The following KIAA1328 variants were observed in gnomAD, a reference collection of about 807,000 sequenced individuals.
The protein encoded by KIAA1328 is protein hinderin.
Under a neutral mutation model 68.1 loss-of-function variants are expected in KIAA1328, and 52 were observed. The observed-to-expected ratio is 0.76, with a 90% CI of 0.61 to 0.96. KIAA1328 has a LOEUF of 0.96. Among genes scored for constraint, KIAA1328 ranks in the 40% least tolerant of loss-of-function variants. The pLI is 0.00. For synonymous variants in KIAA1328, 232 were observed against 239.4 expected, an observed-to-expected ratio of 0.97 and a Z score of 0.28; for missense variants, 641 against 677.6, an observed-to-expected ratio of 0.95 and a Z score of 0.60.
In KIAA1328 at chr18:37,003,404, G is replaced by A. The variant is rs75326473; in HGVS notation, c.576+43969G>A. Among the ~76,000 whole-genome samples the A allele has an allele frequency of 6.7e-3, 1,017 of 152,190 alleles. 15 individuals are homozygous for A. Among genetic ancestry groups the A allele is most frequent in the African/African-American group, 0.023 (942 of 41,542 alleles). On this transcript the variant is annotated intron_variant, in intron 6 of 9. Transcript: ENST00000280020. ...AATCAACAGAGTAATCAGACAACCT[G>A]TTGAATGACAGAAAATATTTGCTAA...
chr18:37,213,863 T>C (rs928836040), intron 9 of KIAA1328, among the ~76,000 whole-genome samples: 5 of 152,228 alleles, frequency 3.3e-5, no homozygotes, highest in Admixed American at 6.5e-5. Flanking sequence ...AGATGGTATC[T>C]CATTGTGATT....
At chr18:37,193,226 G>A (rs1377780272) in intron 9 of KIAA1328, among the ~76,000 whole-genome samples, 1 of 152,112 alleles carries the variant, frequency 6.6e-6, no homozygotes, top group African/African-American at 2.4e-5. Flanking sequence ...GGTGAAAAAC[G>A]ATACAGGCCT....
intron 5 of KIAA1328, among the ~76,000 whole-genome samples, chr18:36,949,702 T>G (rs1233270776): frequency 1.3e-5 from 2 of 148,326 alleles, no homozygotes; most frequent in Non-Finnish European, 3.0e-5. Flanking sequence ...TAGCTATCTT[T>G]CCGTGGCTCA....
At chr18:36,866,779 C>T (rs927241030) in intron 4 of KIAA1328, among the ~76,000 whole-genome samples, 1 of 152,048 alleles carries the variant, frequency 6.6e-6, no homozygotes, top group East Asian at 1.9e-4. Context: ...AAAATAATAG[C>T]TGTGAGGCAT....
chr18:36,943,712 G>T (rs943098541), intron 5 of KIAA1328, among the ~76,000 whole-genome samples: 13 of 152,120 alleles, frequency 8.5e-5, no homozygotes, highest in African/African-American at 3.1e-4. Flanking sequence ...AGAAAAAGAA[G>T]AAATTTTGTT....
intron 5 of KIAA1328, among the ~76,000 whole-genome samples, chr18:36,949,060 T>C (rs368333996): frequency 3.0e-4 from 45 of 152,302 alleles, no homozygotes; most frequent in African/African-American, 1.0e-3. Context: ...GTGTTAATTA[T>C]TGTTGTGCAG....
intron 6 of KIAA1328, among the ~76,000 whole-genome samples, chr18:36,971,859 G>A (rs1337860881): frequency 6.6e-6 from 1 of 152,108 alleles, no homozygotes; most frequent in African/African-American, 2.4e-5. Context: ...CTACTAAAAG[G>A]TAAAGGGTGG....
At chr18:36,975,955 C>T (rs1282788722) in intron 6 of KIAA1328, among the ~76,000 whole-genome samples, 1 of 151,902 alleles carries the variant, frequency 6.6e-6, no homozygotes, top group African/African-American at 2.4e-5. Context: ...TATAGAAGTC[C>T]TCTGGATTAG....
intron 7 of KIAA1328, among the ~76,000 whole-genome samples, chr18:37,081,889 C>T (rs1230492126): frequency 1.3e-5 from 2 of 152,122 alleles, no homozygotes; most frequent in Non-Finnish European, 2.9e-5. Flanking sequence ...GGTCTGGTTT[C>T]TTTTTCACAT....
At chr18:37,121,416 T>TTCTATCTATCTATCTA (rs59343128) in intron 7 of KIAA1328, among the ~76,000 whole-genome samples, 62 of 148,818 alleles carry the variant, frequency 4.2e-4, no homozygotes, top group Admixed American at 8.1e-4. Context: ...ATTTTAGGAC[T>TTCTATCTATCTATCTA]TCTATCTATC....
chr18:37,119,928 T>C (rs934000917), intron 7 of KIAA1328, among the ~76,000 whole-genome samples: 1 of 151,972 alleles, frequency 6.6e-6, no homozygotes, highest in Non-Finnish European at 1.5e-5. Flanking sequence ...AGAGAAATGG[T>C]TTATTGTAGG....
At chr18:36,848,181 C>A (rs141090389) in intron 4 of KIAA1328, among the ~76,000 whole-genome samples, 2 of 151,482 alleles carry the variant, frequency 1.3e-5, no homozygotes, top group Non-Finnish European at 3.0e-5. Context: ...CTAACATTAT[C>A]GAGTCTTTCA....
chr18:36,922,946 A>G (rs1261556389), intron 5 of KIAA1328, among the ~76,000 whole-genome samples: 2 of 152,276 alleles, frequency 1.3e-5, no homozygotes, highest in Middle Eastern at 3.4e-3. Context: ...GCAAGGTATT[A>G]CAATATATTG....
chr18:37,055,437 C>A (rs2055870231), intron 6 of KIAA1328, among the ~76,000 whole-genome samples: 2 of 152,146 alleles, frequency 1.3e-5, no homozygotes, highest in Admixed American at 1.3e-4. Context: ...GTATTTAGTT[C>A]ATATGCTTAG....
At chr18:36,829,370 G>T in intron 1 of KIAA1328, 174 bp downstream of exon 1, 1 of 1,377,534 alleles carries the variant, frequency 7.3e-7, no homozygotes, top group Admixed American at 3.6e-5. Context: ...TGGGTGTTAG[G>T]TGGCCGAGAG....
At chr18:37,058,581 G>A (rs113686414) in intron 6 of KIAA1328, among the ~76,000 whole-genome samples, 188 of 151,998 alleles carry the variant, frequency 1.2e-3, no homozygotes, top group African/African-American at 4.3e-3. Context: ...GGTATGCAGC[G>A]TGCCCCTGTA....
At chr18:37,164,781 G>A (rs1047183765) in intron 8 of KIAA1328, among the ~76,000 whole-genome samples, 2 of 152,056 alleles carry the variant, frequency 1.3e-5, no homozygotes, top group Admixed American at 1.3e-4. Context: ...TGCTGCCTTA[G>A]GAGTCAAGAA....
chr18:37,226,715 CT>C (rs763991741), downstream of KIAA1328, among the ~76,000 whole-genome samples: 11,121 of 128,596 alleles, frequency 0.086, 1,125 homozygotes, highest in African/African-American at 0.29. Context: ...GGGTTGTTCC[CT>C]TTTTTTTTTT....
chr18:36,993,678 T>A (rs926085941), intron 6 of KIAA1328, among the ~76,000 whole-genome samples: 4 of 152,114 alleles, frequency 2.6e-5, no homozygotes, highest in Non-Finnish European at 5.9e-5. Flanking sequence ...CTTTAAAGGA[T>A]GTAGTATAAG....
Sources: allele counts gnomAD v4.1 joint callset (sites outside exome capture counted in the v4.1 genomes callset), GRCh38; gene constraint gnomAD v4.1.1; transcripts MANE v1.5; gene names NCBI Gene and HGNC (gene_info 2026-07-23, HGNC 2026-07-21).